SLC12A7: variants seen among roughly 807,000 people sequenced by gnomAD.
The protein encoded by SLC12A7 is solute carrier family 12 member 7, also known as K-Cl cotransporter 4.
Under a neutral mutation model 120.6 loss-of-function variants are expected in SLC12A7, and 100 were observed. That is an observed-to-expected ratio of 0.83 (90% CI 0.71 to 0.98). The LOEUF (loss-of-function observed/expected upper bound fraction) is 0.98. Among genes scored for constraint, SLC12A7 ranks in the 50% least tolerant of loss-of-function variants. The pLI, the probability that SLC12A7 is intolerant of heterozygous loss-of-function variation, is 0.00. For missense variants in SLC12A7, 1,373 were observed against 1,548.1 expected, an observed-to-expected ratio of 0.89 and a Z score of 1.90; for synonymous variants, 760 against 678.0, an observed-to-expected ratio of 1.12 and a Z score of -1.88.
At chr5:1,118,108 G>A in the SLC12A7 span, among the ~76,000 whole-genome samples, 74 of 152,316 alleles carry the variant, frequency 4.9e-4, no homozygotes, top group African/African-American at 1.7e-3. Context: ...TCCCAAATGT[G>A]TGGGGAGACT....
At chr5:1,066,400 T>C (rs1737058838) in intron 17 of SLC12A7, among the ~76,000 whole-genome samples, 1 of 152,090 alleles carries the variant, frequency 6.6e-6, no homozygotes, top group African/African-American at 2.4e-5. Context: ...ACATGAGAGT[T>C]GGGACTCAGA....
chr5:1,088,117 A>G (rs1289787549), intron 5 of SLC12A7, among the ~76,000 whole-genome samples, 189 bp downstream of exon 5: 1 of 152,176 alleles, frequency 6.6e-6, no homozygotes, highest in East Asian at 1.9e-4. Flanking sequence ...ATGGGGAAGA[A>G]AACCAAACAG....
At chr5:1,145,596 T>A in the SLC12A7 span, among the ~76,000 whole-genome samples, 18,222 of 151,962 alleles carry the variant, frequency 0.12, 1,423 homozygotes, top group Non-Finnish European at 0.17. The surrounding 1 kb of genome is among the most constrained non-coding windows in gnomAD (Gnocchi z 4.4). Context: ...AACAGGAAGG[T>A]CCCTGGACAA....
chr5:1,128,675 T>C, the SLC12A7 span, among the ~76,000 whole-genome samples: 1 of 152,220 alleles, frequency 6.6e-6, no homozygotes, highest in Admixed American at 6.5e-5. Flanking sequence ...GGGTCTGCCC[T>C]GTGACCACCA....
At chr5:1,144,224 A>G in the SLC12A7 span, among the ~76,000 whole-genome samples, 1 of 152,116 alleles carries the variant, frequency 6.6e-6, no homozygotes, top group Non-Finnish European at 1.5e-5. Context: ...TGGCCGGCGC[A>G]GCGCCGGGTG....
the SLC12A7 span, among the ~76,000 whole-genome samples, chr5:1,149,984 C>G: frequency 2.0e-5 from 3 of 152,046 alleles, no homozygotes; most frequent in East Asian, 1.9e-4. Context: ...GAGCTGAGAT[C>G]GTGCCATTGC....
chr5:1,105,069 C>A (rs565283182), intron 1 of SLC12A7, among the ~76,000 whole-genome samples: 2 of 151,156 alleles, frequency 1.3e-5, no homozygotes, highest in Non-Finnish European at 3.0e-5. Context: ...AAAGAGGAGC[C>A]TCCCCGCAGG....
upstream of SLC12A7, chr5:1,112,103 G>A (rs1743070522): frequency 1.8e-6 from 2 of 1,135,984 alleles, no homozygotes; most frequent in African/African-American, 3.3e-5. Context: ...GCCCCGCCCC[G>A]CCCGGGCCAC....
chr5:1,153,112 A>G, the SLC12A7 span, among the ~76,000 whole-genome samples: 7 of 152,312 alleles, frequency 4.6e-5, no homozygotes, highest in East Asian at 1.3e-3. Context: ...TCCAACCCCC[A>G]CAGGACTGGA....
intron 3 of SLC12A7, 119 bp downstream of exon 3, chr5:1,093,413 TG>T: frequency 1.0e-6 from 1 of 1,000,480 alleles, no homozygotes; most frequent in Non-Finnish European, 1.5e-6. Context: ...GGGCTGGACG[TG>T]GCCATGATAC....
chr5:1,118,633 C>G, the SLC12A7 span, among the ~76,000 whole-genome samples: 3 of 152,232 alleles, frequency 2.0e-5, no homozygotes, highest in African/African-American at 7.2e-5. Context: ...TGCCTCTTGC[C>G]AGGAAATTCG....
At chr5:1,109,476 C>T (rs1218114642) in intron 1 of SLC12A7, among the ~76,000 whole-genome samples, 2 of 152,212 alleles carry the variant, frequency 1.3e-5, no homozygotes, top group African/African-American at 2.4e-5. Context: ...AATAAAAGCT[C>T]CGTCCCAAGA....
chr5:1,060,777 G>C (rs1314850271), intron 20 of SLC12A7, among the ~76,000 whole-genome samples: 6 of 152,196 alleles, frequency 3.9e-5, no homozygotes. Context: ...CTGCCCCATG[G>C]GGCTGCATGA....
intron 9 of SLC12A7, among the ~76,000 whole-genome samples, 197 bp downstream of exon 9, chr5:1,081,380 G>A (rs1739086687): frequency 6.6e-6 from 1 of 152,100 alleles, no homozygotes; most frequent in South Asian, 2.1e-4. Context: ...GATATTAGCC[G>A]GGCGTGGTAC....
At chr5:1,073,430 C>T (rs2150825391) in intron 17 of SLC12A7, among the ~76,000 whole-genome samples, 1 of 152,360 alleles carries the variant, frequency 6.6e-6, no homozygotes, top group African/African-American at 2.4e-5. Flanking sequence ...ATGGCCCTCA[C>T]ACCTCCCAAG....
the SLC12A7 span, among the ~76,000 whole-genome samples, chr5:1,125,268 A>AGTGTGTGTGTGTGTGTGT: frequency 1.2e-4 from 18 of 150,480 alleles, no homozygotes; most frequent in African/African-American, 3.4e-4. Flanking sequence ...TTTAAACGAA[A>AGTGTGTGTGTGTGTGTGT]GTGTGTGTGT....
upstream of SLC12A7, among the ~76,000 whole-genome samples, chr5:1,112,341 G>GCCCCCCCCGCCC (rs1431934878): frequency 1.5e-4 from 4 of 26,956 alleles, no homozygotes; most frequent in Admixed American, 3.3e-4. Context: ...CGCCCTCCCC[G>GCCCCCCCCGCCC]CCCTCCCCGG....
Position 1,076,706 on chromosome 5 carries a change from G to C in SLC12A7, c.1736C>G (p.Pro579Arg), listed in dbSNP as rs372677409. 1 of 1,610,214 alleles carries C rather than the reference G, an allele frequency of 6.2e-7. No homozygotes were observed. Among genetic ancestry groups the C allele is most frequent in the South Asian group, 1.1e-5 (1 of 91,014 alleles). ...TGTGGGGGCTCACATGGAGAGGATC[G>C]GGGCCACGCTGTCCAGAGAGGCGAT... is the stretch of plus-strand genomic sequence containing the variant. ...ILIASLDSVA[P>R]ILSMFFLMCY... is the part of the protein sequence containing the mutation. Residue 579 changes from proline (P) to arginine (R), a missense_variant, in exon 13 of 24, where the codon CCG becomes CGG. Pro to Arg is a moderately radical substitution (Grantham distance 103, BLOSUM62 -2). Coordinates refer to ENST00000264930, the MANE Select transcript of SLC12A7 (RefSeq NM_006598.3).
rs143649931 is a variant in SLC12A7 at position 1,077,768 on chromosome 5, C to T, written c.1629+65G>A. The T allele has an allele frequency of 3.4e-5, 50 of 1,458,608 alleles. 1 individual carries two copies. The highest frequency in any genetic ancestry group is 4.9e-4 in the Middle Eastern group (2 of 4,062). 90.4% of individuals were successfully genotyped at this position (1,458,608 alleles called of 1,614,324 possible). A position where few individuals can be genotyped will look rare whatever the true frequency, so the allele number is the denominator to read the frequency against. The stretch of plus-strand genomic sequence containing the variant: ...CCCACACACGGCACTGTGAGGATCC[C>T]GCAGGGGAGGAGAGCCCCCGACCCT... On this transcript the variant is annotated intron_variant, in intron 12 of 23. Transcript: ENST00000264930.
Sources: allele counts gnomAD v4.1 joint callset (sites outside exome capture counted in the v4.1 genomes callset), GRCh38; gene constraint gnomAD v4.1.1; non-coding constraint Gnocchi (gnomAD v3.1); transcripts MANE v1.5; gene names NCBI Gene and HGNC (gene_info 2026-07-23, HGNC 2026-07-21).